Variants in NR1H4 observed in about 807,000 individuals in gnomAD.
The protein encoded by NR1H4 is nuclear receptor subfamily 1 group H member 4.
A neutral mutation model predicts 58.5 loss-of-function variants in NR1H4; 23 were observed. The observed-to-expected ratio is 0.39, with a 90% CI of 0.28 to 0.56. The LOEUF (loss-of-function observed/expected upper bound fraction) is 0.56, where lower values mean the gene tolerates loss of function less well. Among genes scored for constraint, NR1H4 ranks in the 20% least tolerant of loss-of-function variants. NR1H4 has a pLI of 0.58. For synonymous variants in NR1H4, 214 were observed against 198.0 expected (o/e 1.08, Z -0.68); for missense variants, 487 against 576.9 (o/e 0.84, Z 1.60).
intron 3 of NR1H4, among the ~76,000 whole-genome samples, chr12:100,509,497 A>G (rs1269244796): frequency 6.6e-6 from 1 of 152,212 alleles, no homozygotes; most frequent in Non-Finnish European, 1.5e-5. Flanking sequence ...GCTATAATTT[A>G]TCGAGCACTT....
Position 100,540,836 on chromosome 12 carries a change from T to C in NR1H4, c.1078+18T>C. Reference sequence around the variant, plus strand: ...AAATAGTGGTAAGTGATTTGGCTAATGGTAAAAGAGTTTGTTTCTAGGAGT... The same window carrying C: ...AAATAGTGGTAAGTGATTTGGCTAACGGTAAAAGAGTTTGTTTCTAGGAGT... On this transcript the variant is annotated intron_variant, in intron 9 of 10. Coordinates refer to ENST00000392986, the MANE Select transcript of NR1H4 (RefSeq NM_001206979.2). 3 of 1,613,786 alleles carry C rather than the reference T, an allele frequency of 1.9e-6. No homozygotes were observed. Among genetic ancestry groups the C allele is most frequent in the African/African-American group, 1.3e-5 (1 of 75,058 alleles).
intron 10 of NR1H4, among the ~76,000 whole-genome samples, chr12:100,562,253 G>T (rs1392572753): frequency 2.0e-5 from 3 of 152,036 alleles, no homozygotes; most frequent in Non-Finnish European, 4.4e-5. Flanking sequence ...CTAAGCACCG[G>T]GGATGCAACA....
chr12:100,526,422 T>A (rs1954558612), intron 4 of NR1H4, among the ~76,000 whole-genome samples: 1 of 152,216 alleles, frequency 6.6e-6, no homozygotes, highest in South Asian at 2.1e-4. Flanking sequence ...TGTCTTCTAT[T>A]TGCATTATGT....
At chr12:100,559,577 C>T (rs1297204113) in intron 9 of NR1H4, among the ~76,000 whole-genome samples, 6 of 152,176 alleles carry the variant, frequency 3.9e-5, no homozygotes, top group Admixed American at 6.5e-5. Context: ...AGCCCACCGG[C>T]GCTGCGCTGG....
At chr12:100,474,307 T>C (rs965328012) in intron 1 of NR1H4, among the ~76,000 whole-genome samples, 2 of 152,266 alleles carry the variant, frequency 1.3e-5, no homozygotes, top group Non-Finnish European at 2.9e-5. Flanking sequence ...AATACTCTTT[T>C]AACATTGTGG....
Position 100,563,270 on chromosome 12 carries a change from T to C in NR1H4, c.1212T>C (p.Asp404=). 6.2e-7 allele frequency: 1 copy of C among 1,613,208 alleles called. No homozygotes were observed. Among genetic ancestry groups the C allele is most frequent in the Non-Finnish European group, 8.5e-7 (1 of 1,179,122 alleles). Residue 404 remains aspartate (D), a synonymous_variant, in exon 11 of 11, where the codon GAT becomes GAC. Transcript: ENST00000392986. ...ILSPDRQYIK[D]REAVEKLQEP... The stretch of plus-strand genomic sequence containing the variant: ...AAACAGATAGACAATACATAAAGGA[T>C]AGAGAGGCAGTAGAGAAGCTTCAGG...
chr12:100,559,529 G>T lies in NR1H4; in HGVS notation c.1079-2356G>T, dbSNP rs564850840. On this transcript the variant is annotated intron_variant, in intron 9 of 10. Transcript: ENST00000392986. The stretch of plus-strand genomic sequence containing the variant: ...AATAAGGGACTTAGCACCCGGGCCA[G>T]TGGCTGCGGAGGGTGTACTGGGTCC... Among the ~76,000 whole-genome samples, 13 of 152,320 alleles carry T rather than the reference G, an allele frequency of 8.5e-5. 1 individual carries two copies. In the East Asian group the frequency reaches 1.9e-3, roughly 23 times the overall value.
At chr12:100,550,305 T>C (rs1045002034) in intron 9 of NR1H4, among the ~76,000 whole-genome samples, 4 of 152,174 alleles carry the variant, frequency 2.6e-5, no homozygotes, top group African/African-American at 9.7e-5. Flanking sequence ...ATAATCATAG[T>C]ATATAAAATA....
intron 4 of NR1H4, among the ~76,000 whole-genome samples, chr12:100,527,068 A>C (rs1217251693): frequency 6.6e-6 from 1 of 152,230 alleles, no homozygotes; most frequent in Non-Finnish European, 1.5e-5. Flanking sequence ...ATGCTCCTAC[A>C]ATTATTGCAA....
chr12:100,536,329 A>T (rs531821869), intron 6 of NR1H4, among the ~76,000 whole-genome samples, 183 bp from the exon 7 acceptor site: 1 of 152,154 alleles, frequency 6.6e-6, no homozygotes, highest in South Asian at 2.1e-4. Context: ...GAAATGTGAT[A>T]TGGCCTGCCT....
At chr12:100,506,553 T>C (rs941439452) in intron 3 of NR1H4, among the ~76,000 whole-genome samples, 1 of 152,214 alleles carries the variant, frequency 6.6e-6, no homozygotes, top group African/African-American at 2.4e-5. Context: ...TCACCCAGGC[T>C]GGAGTGCAAT....
At chr12:100,508,329 A>G (rs1015480347) in intron 3 of NR1H4, among the ~76,000 whole-genome samples, 9 of 152,172 alleles carry the variant, frequency 5.9e-5, no homozygotes, top group Non-Finnish European at 1.3e-4. Flanking sequence ...AATGGCTGGA[A>G]AAGAAAGCAA....
intron 9 of NR1H4, among the ~76,000 whole-genome samples, chr12:100,544,696 A>C (rs1459555738): frequency 1.3e-5 from 2 of 152,122 alleles, no homozygotes; most frequent in Non-Finnish European, 2.9e-5. Flanking sequence ...AATAACGAAA[A>C]AAATGAATGA....
In NR1H4 at chr12:100,501,467, G is replaced by A. The variant is rs558204011; in HGVS notation, c.79+8065G>A. 3.9e-5 allele frequency among the ~76,000 whole-genome samples: 6 copies of A among 152,164 alleles called. No homozygotes were observed. In the South Asian group the frequency reaches 1.0e-3, roughly 26 times the overall value. The stretch of plus-strand genomic sequence containing the variant: ...AAGTGTACCTTAGTTTTTCCACCAC[G>A]GGATTTTGAGTCAGAAGACCTGGGT... On this transcript the variant is annotated intron_variant, in intron 3 of 10. Transcript: ENST00000392986.
intron 3 of NR1H4, among the ~76,000 whole-genome samples, chr12:100,497,566 C>T (rs1254605846): frequency 6.6e-6 from 1 of 152,170 alleles, no homozygotes; most frequent in African/African-American, 2.4e-5. Context: ...AGACGGAAAT[C>T]TAGCCCGTCG....
intron 9 of NR1H4, among the ~76,000 whole-genome samples, chr12:100,545,108 T>C (rs1438402494): frequency 1.3e-5 from 2 of 152,088 alleles, no homozygotes; most frequent in Non-Finnish European, 2.9e-5. Flanking sequence ...TCTTTTTCTC[T>C]CCTGGATGCT....
chr12:100,528,786 G>C (rs1343669603), intron 4 of NR1H4, among the ~76,000 whole-genome samples: 4 of 152,154 alleles, frequency 2.6e-5, no homozygotes, highest in African/African-American at 9.7e-5. Context: ...GTTAATACCA[G>C]AGTCAAAAAA....
At chr12:100,483,810 C>G (rs558462715) in intron 1 of NR1H4, among the ~76,000 whole-genome samples, 1 of 151,912 alleles carries the variant, frequency 6.6e-6, no homozygotes, top group African/African-American at 2.4e-5. Context: ...ATGGTGAAAC[C>G]CTGTCTCTAC....
chr12:100,555,909 A>G (rs1197984029), intron 9 of NR1H4, among the ~76,000 whole-genome samples: 2 of 152,172 alleles, frequency 1.3e-5, no homozygotes, highest in Non-Finnish European at 2.9e-5. Context: ...TAGTTGGGTC[A>G]TGGGTATTTA....
Sources: gnomAD v4.1 joint callset for allele counts (sites outside exome capture counted in the v4.1 genomes callset) on GRCh38, gnomAD v4.1.1 for gene constraint, MANE v1.5 for transcripts, NCBI Gene and HGNC (gene_info 2026-07-23, HGNC 2026-07-21) for gene names.